The following NLRP2 variants were observed in gnomAD, a reference collection of about 807,000 sequenced individuals.
NLRP2 encodes NLR family pyrin domain containing 2.
A neutral mutation model predicts 97.2 loss-of-function variants in NLRP2; 107 were observed. The observed-to-expected ratio is 1.10, with a 90% CI of 0.94 to 1.29. The LOEUF (loss-of-function observed/expected upper bound fraction) is 1.29. NLRP2 is among the 50% of genes most tolerant of loss of function. NLRP2 has a pLI of 0.00. For synonymous variants in NLRP2, 663 were observed against 551.5 expected (o/e 1.20, Z -2.83); for missense variants, 1,495 against 1,330.3 (o/e 1.12, Z -1.93).
chr19:54,999,814 G>A (rs184512510), intron 12 of NLRP2, among the ~76,000 whole-genome samples: 2 of 152,164 alleles, frequency 1.3e-5, no homozygotes, highest in South Asian at 2.1e-4. Flanking sequence ...TCAGCTCACT[G>A]TAACCTCCGC....
chr19:54,991,850 C>CAA lies in NLRP2; in HGVS notation c.2708+1192_2708+1193dup, dbSNP rs111877236. On this transcript the variant is annotated intron_variant, in intron 10 of 12. Coordinates refer to ENST00000448584, the MANE Select transcript of NLRP2 (RefSeq NM_017852.5). ...CCTGGGTGACAGAACGAGATTGTCT[C>CAA]AAAAAAAAAAAAAAATTGTATCTGC... Among the ~76,000 whole-genome samples the CAA allele has an allele frequency of 7.4e-3, 810 of 110,112 alleles. 6 individuals are homozygous for CAA. Among genetic ancestry groups the CAA allele is most frequent in the African/African-American group, 0.024 (701 of 29,728 alleles). 72.2% of individuals were successfully genotyped at this position (110,112 alleles called of 152,430 possible). A position where few individuals can be genotyped will look rare whatever the true frequency, so the allele number is the denominator to read the frequency against.
At chr19:54,992,964 G>T (rs1386326072) in intron 10 of NLRP2, among the ~76,000 whole-genome samples, 1 of 152,002 alleles carries the variant, frequency 6.6e-6, no homozygotes, top group East Asian at 1.9e-4. Flanking sequence ...TTTCTAGAAG[G>T]CCGGGTAGGG....
In NLRP2 at chr19:54,997,173, G is replaced by A. The variant is rs113678696; in HGVS notation, c.2880-144G>A. 2.7e-3 allele frequency: 2,236 copies of A among 825,078 alleles called. 22 individuals carry two copies. In the African/African-American group the frequency reaches 0.031, roughly 12 times the overall value. 51.1% of individuals were successfully genotyped at this position (825,078 alleles called of 1,614,324 possible). A position where few individuals can be genotyped will look rare whatever the true frequency, so the allele number is the denominator to read the frequency against. Reference sequence around the variant, plus strand: ...ATCCACCTCGGCCTCCCAAAGTGCTGGGATTACAGGCGTGAACCACCGTGC... The same window carrying A: ...ATCCACCTCGGCCTCCCAAAGTGCTAGGATTACAGGCGTGAACCACCGTGC... On this transcript the variant is annotated intron_variant, in intron 11 of 12. Transcript: ENST00000448584.
chr19:54,986,359 G>C, intron 8 of NLRP2, 44 bp downstream of exon 8: 1 of 1,564,954 alleles, frequency 6.4e-7, no homozygotes, highest in Non-Finnish European at 8.8e-7. Flanking sequence ...ACAAACATAA[G>C]CTACCACAAG....
At chr19:54,982,109 C>A (rs2071611466) in intron 5 of NLRP2, 53 bp from the exon 6 acceptor site, 2 of 1,611,504 alleles carry the variant, frequency 1.2e-6, no homozygotes, top group East Asian at 4.5e-5. Context: ...TTGGTTTTCC[C>A]TATGGGTAAC....
At chr19:54,988,149 G>A (rs375235750) in intron 8 of NLRP2, among the ~76,000 whole-genome samples, 2 of 152,142 alleles carry the variant, frequency 1.3e-5, no homozygotes, top group Admixed American at 6.6e-5. Context: ...GGTATTGGAA[G>A]GTTGAATGAA....
chr19:55,001,056 T>A lies in NLRP2; in HGVS notation c.*158T>A, dbSNP rs2073164547. 1 of 647,968 alleles carries A rather than the reference T, an allele frequency of 1.5e-6. No individual in the cohort carries two copies. The highest frequency in any genetic ancestry group is 2.7e-6 in the Non-Finnish European group (1 of 364,670). 40.1% of individuals were successfully genotyped at this position (647,968 alleles called of 1,614,324 possible). ...CATGATTCTGCCTCTGTTTTATACCTGCACACATCCTTATCTTTGTTACAT... is the reference window on the plus strand; with the variant it reads ...CATGATTCTGCCTCTGTTTTATACCAGCACACATCCTTATCTTTGTTACAT... On this transcript the variant is annotated 3_prime_UTR_variant, in exon 13 of 13. Coordinates refer to ENST00000448584, the MANE Select transcript of NLRP2 (RefSeq NM_017852.5).
Position 54,974,376 on chromosome 19 carries a change from C to A in NLRP2, c.281-124C>A, listed in dbSNP as rs991714026. Reference sequence around the variant, plus strand: ...AAAAAAAAGATGCAAGCATTTTGAACTGGAAGGAGATAAGAGAAAGGAACA... The same window carrying A: ...AAAAAAAAGATGCAAGCATTTTGAAATGGAAGGAGATAAGAGAAAGGAACA... On this transcript the variant is annotated intron_variant, in intron 2 of 12. Transcript: ENST00000448584. 14 of 792,422 alleles carry A rather than the reference C, an allele frequency of 1.8e-5. No individual in the cohort carries two copies. In the East Asian group the frequency reaches 3.2e-4, roughly 18 times the overall value. 49.1% of individuals were successfully genotyped at this position (792,422 alleles called of 1,614,324 possible).
Position 54,982,499 on chromosome 19 carries a change from T to G in NLRP2, c.801T>G (p.Pro267=). ...CAGAGCTGGTCTTCAGGGACTGGCC[T>G]GAATTGCAGGATGACATTCCACACA... ...SFAELVFRDW[P]ELQDDIPHIL... is the part of the protein sequence containing the mutation. The change falls in exon 6 of 13, where the codon CCT becomes CCG. Residue 267 remains proline, a synonymous_variant. Coordinates refer to ENST00000448584, the MANE Select transcript of NLRP2 (RefSeq NM_017852.5). 2 of 1,614,178 alleles carry G rather than the reference T, an allele frequency of 1.2e-6. No homozygotes were observed.
chr19:54,981,079 C>T (rs1196625682), intron 4 of NLRP2, among the ~76,000 whole-genome samples: 2 of 152,162 alleles, frequency 1.3e-5, no homozygotes, highest in African/African-American at 2.4e-5. Flanking sequence ...CCACTGCACT[C>T]CAGCCTGGGC....
At chr19:54,989,841 G>A (rs1231426838) in intron 8 of NLRP2, 181 bp from the exon 9 acceptor site, 1 of 647,688 alleles carries the variant, frequency 1.5e-6, no homozygotes, top group African/African-American at 1.8e-5. Flanking sequence ...AAAATTAGCT[G>A]GGCATGTTGG....
At chr19:54,969,896 G>A (rs537449994) in intron 1 of NLRP2, 103 bp from the exon 2 acceptor site, 16 of 1,122,938 alleles carry the variant, frequency 1.4e-5, no homozygotes, top group Non-Finnish European at 1.7e-5. Flanking sequence ...AAGAAGCAGG[G>A]TAGATGGTGA....
At chr19:54,992,248 C>A (rs1382327921) in intron 10 of NLRP2, among the ~76,000 whole-genome samples, 1 of 151,988 alleles carries the variant, frequency 6.6e-6, no homozygotes, top group Non-Finnish European at 1.5e-5. Flanking sequence ...TCTAACATCA[C>A]CTCCAACAGT....
rs779109200 is a variant in NLRP2 at position 54,970,197 on chromosome 19, C to T, written c.182C>T (p.Thr61Ile). Residue 61 changes from threonine to isoleucine, a missense_variant, in exon 2 of 13, where the codon ACC (threonine) becomes ATC (isoleucine). Coordinates refer to ENST00000448584, the MANE Select transcript of NLRP2 (RefSeq NM_017852.5). ...AAGCAACTGGTAGAAATCCTCACCA[C>T]CCATTGTGACAGCTACTGGGTGGAG... is the stretch of plus-strand genomic sequence containing the variant. ...DGKQLVEILT[T>I]HCDSYWVEMA... is the part of the protein sequence containing the mutation. 23 of 1,614,102 alleles carry T rather than the reference C, an allele frequency of 1.4e-5. No homozygotes were observed. Among genetic ancestry groups the T allele is most frequent in the Non-Finnish European group, 1.9e-5 (22 of 1,180,012 alleles).
chr19:54,971,149 A>G (rs1010648490), intron 2 of NLRP2, among the ~76,000 whole-genome samples: 4 of 150,620 alleles, frequency 2.7e-5, no homozygotes, highest in African/African-American at 9.8e-5. Context: ...AAGGACATGA[A>G]CTCATCATTT....
Position 54,984,329 on chromosome 19 carries a change from G to GTGTGTT in NLRP2, c.2030+602_2030+603insGTGTTT. 5.5e-4 allele frequency among the ~76,000 whole-genome samples: 44 copies of GTGTGTT among 79,666 alleles called. 1 individual carries two copies. The highest frequency in any genetic ancestry group is 2.6e-3 in the East Asian group (8 of 3,124). The allele number at this position is 79,666 out of a possible 152,430, so 52.3% of individuals were successfully genotyped here. ...AACTTAAGTGGGGGTTTTTTTTTGTGTTTTTTTTTTTTTTTTTTTTTTTGG... is the reference window on the plus strand; with the variant it reads ...AACTTAAGTGGGGGTTTTTTTTTGTGTGTGTTTTTTTTTTTTTTTTTTTTTTTTTGG... On this transcript the variant is annotated intron_variant, in intron 6 of 12. Coordinates refer to ENST00000448584, the MANE Select transcript of NLRP2 (RefSeq NM_017852.5).
chr19:54,985,329 CAG>C (rs1305346974), intron 7 of NLRP2, 112 bp downstream of exon 7: 18 of 1,015,942 alleles, frequency 1.8e-5, no homozygotes, highest in Non-Finnish European at 2.3e-5. Context: ...GCTCGAGACA[CAG>C]GGAATTGAGA....
intron 3 of NLRP2, among the ~76,000 whole-genome samples, chr19:54,975,343 A>G (rs1187253754): frequency 1.4e-5 from 2 of 142,564 alleles, no homozygotes; most frequent in Non-Finnish European, 3.0e-5. Flanking sequence ...GCTGGCCTCG[A>G]ATTACTAAAC....
chr19:54,983,883 C>T (rs544737094), intron 6 of NLRP2, among the ~76,000 whole-genome samples, 155 bp downstream of exon 6: 1 of 152,208 alleles, frequency 6.6e-6, no homozygotes, highest in Non-Finnish European at 1.5e-5. Context: ...TGGAGTCTTG[C>T]TCTGTCGCTC....
Sources: allele counts gnomAD v4.1 joint callset (sites outside exome capture counted in the v4.1 genomes callset), GRCh38; gene constraint gnomAD v4.1.1; transcripts MANE v1.5; gene names NCBI Gene and HGNC (gene_info 2026-07-23, HGNC 2026-07-21).